CCNK: variants seen among roughly 807,000 people sequenced by gnomAD.
CCNK encodes the protein cyclin-K.
CCNK carries 9 observed loss-of-function variants against 65.0 expected under a neutral mutation model. That is an observed-to-expected ratio of 0.14 (90% confidence interval 0.08 to 0.24). The LOEUF (loss-of-function observed/expected upper bound fraction) is 0.24. CCNK is among the 10% of genes least tolerant of loss of function. CCNK has a pLI of 1.00. For synonymous variants in CCNK, 279 were observed against 270.8 expected (o/e 1.03, Z -0.30); for missense variants, 474 against 720.0 (o/e 0.66, Z 3.91).
At chr14:99,495,323 G>C in intron 3 of CCNK, 175 bp from the exon 4 acceptor site, 1 of 375,196 alleles carries the variant, frequency 2.7e-6, no homozygotes, top group Non-Finnish European at 4.7e-6. Flanking sequence ...GAGTTTGGGG[G>C]ATTTATATGT....
rs1267750574 is a variant in CCNK, at chr14:99,502,349, C to G, written c.718C>G (p.Gln240Glu). 1.9e-6 allele frequency: 3 copies of G among 1,613,634 alleles called. No homozygotes were observed. Among genetic ancestry groups the G allele is most frequent in the Non-Finnish European group, 2.5e-6 (3 of 1,179,810 alleles). The change falls in exon 7 of 11, where the codon CAA becomes GAA. Residue 240 changes from glutamine (Q) to glutamate (E), a missense_variant. Transcript: ENST00000389879. ...TAGGAGATGGTGGGAGCAGTTTGTTCAAGATGTCCCGGTCGACGTTTTGGA... is the reference window on the plus strand; with the variant it reads ...TAGGAGATGGTGGGAGCAGTTTGTTGAAGATGTCCCGGTCGACGTTTTGGA... The part of the protein sequence containing the change: ...MYRRWWEQFV[Q>E]DVPVDVLEDI...
chr14:99,495,987 A>G (rs1156735865), intron 4 of CCNK, among the ~76,000 whole-genome samples: 2 of 152,194 alleles, frequency 1.3e-5, no homozygotes, highest in Non-Finnish European at 2.9e-5. Context: ...AAAAGTATGT[A>G]TGCTGTATGT....
chr14:99,500,349 A>G (rs768363302), intron 4 of CCNK: 7 of 198,786 alleles, frequency 3.5e-5, no homozygotes, highest in Admixed American at 1.1e-4. Flanking sequence ...GAGGCTGGCT[A>G]TCATAAACTC....
intron 4 of CCNK, among the ~76,000 whole-genome samples, chr14:99,497,212 A>G (rs1284893832): frequency 6.6e-6 from 1 of 152,060 alleles, no homozygotes; most frequent in Non-Finnish European, 1.5e-5. Flanking sequence ...GTCTATTTTC[A>G]TAGCCTTAAA....
rs551351656 is a variant in CCNK, at chr14:99,497,602, C to T, written c.411+1973C>T. Among the ~76,000 whole-genome samples, 5 of 152,290 alleles carry T rather than the reference C, an allele frequency of 3.3e-5. No homozygotes were observed. The East Asian group carries it at 5.8e-4, about 18-fold the overall frequency. Reference sequence around the variant, plus strand: ...TTCTAAATCACAGTTAAAGCTAAAGCGATGAAGTTCAGCCCCATTCATGGT... The same window carrying T: ...TTCTAAATCACAGTTAAAGCTAAAGTGATGAAGTTCAGCCCCATTCATGGT... On this transcript the variant is annotated intron_variant, in intron 4 of 10. Coordinates refer to ENST00000389879, the MANE Select transcript of CCNK (RefSeq NM_001099402.2).
At position 99,503,376 on chromosome 14, in the gene CCNK, CATT is replaced by C. The variant is rs1479708199; in HGVS notation, c.1012-234_1012-232del. 6.6e-6 allele frequency: 4 copies of C among 601,994 alleles called. No homozygotes were observed. In the African/African-American group the frequency reaches 7.4e-5, roughly 11 times the overall value. The allele number at this position is 601,994 out of a possible 1,614,324, so 37.3% of individuals were successfully genotyped here. ...AACTTAGTGTTTACTCAGAACTCAC[CATT>C]CAGGAAAGCTAGTCATTCTGTCTTA... On this transcript the variant is annotated intron_variant, in intron 8 of 10. Transcript: ENST00000389879.
chr14:99,503,895 A>C (rs960306411), intron 9 of CCNK: 16 of 506,914 alleles, frequency 3.2e-5, no homozygotes, highest in Admixed American at 1.8e-4. Flanking sequence ...ACATATATAA[A>C]AGTATAATTA....
At chr14:99,493,201 G>A (rs1011021404) in intron 2 of CCNK, 8 of 419,694 alleles carry the variant, frequency 1.9e-5, no homozygotes, top group East Asian at 4.2e-5. Context: ...TCTGGAGTTC[G>A]AGACCAACCT....
chr14:99,503,098 C>G (rs763203304), intron 8 of CCNK, 114 bp downstream of exon 8: 1 of 1,172,140 alleles, frequency 8.5e-7, no homozygotes, highest in Admixed American at 1.7e-5. Context: ...AGGGGGTGTT[C>G]GCCGAAACTC....
intron 3 of CCNK, among the ~76,000 whole-genome samples, chr14:99,493,817 C>T (rs1053910261): frequency 6.6e-6 from 1 of 152,094 alleles, no homozygotes; most frequent in Non-Finnish European, 1.5e-5. Context: ...AGTCATATTG[C>T]GCTTTGTATG....
rs1897087185 is a variant in CCNK, at chr14:99,510,210, G to T, written c.1171G>T (p.Val391Leu). The change falls in exon 11 of 11, where the codon GTG (valine) becomes TTG (leucine). Residue 391 changes from valine to leucine, a missense_variant. Physicochemically the swap from Val to Leu is conservative, Grantham distance 32. Around this residue, in one of 6 missense-constraint regions of CCNK, gnomAD observed 229 missense variants for 275.5 expected, o/e 0.83. Coordinates refer to ENST00000389879, the MANE Select transcript of CCNK (RefSeq NM_001099402.2). ...AGGTGAGGCTGAGCCGCCGGGCCCT[G>T]TGGATGCCACTGACCTCCCCAAAGT... Reference protein sequence around the residue: ...ALGEAEPPGPVDATDLPKVQI... With the variant: ...ALGEAEPPGPLDATDLPKVQI... 1 of 1,597,698 alleles carries T rather than the reference G, an allele frequency of 6.3e-7. No individual in the cohort carries two copies. Among genetic ancestry groups the T allele is most frequent in the Non-Finnish European group, 8.5e-7 (1 of 1,175,302 alleles).
chr14:99,510,562 C>T lies in CCNK; in HGVS notation c.1523C>T (p.Pro508Leu). The change falls in exon 11 of 11, where the codon CCA becomes CTA. Residue 508 changes from proline to leucine, a missense_variant. By Grantham distance (98) the Pro-to-Leu change is moderately conservative. Around this residue, in one of 6 missense-constraint regions of CCNK, gnomAD observed 38 missense variants for 19.2 expected, o/e 1.98. Transcript: ENST00000389879. ...AIPPPTPGYPPPPPTYNPNFP... is the reference protein window; with the variant it reads ...AIPPPTPGYPLPPPTYNPNFP... The stretch of plus-strand genomic sequence containing the variant: ...CCACCCCCTACTCCTGGCTACCCCC[C>T]ACCCCCACCCACCTACAACCCCAAC... 1 of 402,516 alleles carries T rather than the reference C, an allele frequency of 2.5e-6. No individual in the cohort carries two copies. 24.9% of individuals were successfully genotyped at this position (402,516 alleles called of 1,614,324 possible).
chr14:99,493,254 G>C (rs1312305538), intron 2 of CCNK, among the ~76,000 whole-genome samples: 1 of 151,956 alleles, frequency 6.6e-6, no homozygotes, highest in Non-Finnish European at 1.5e-5. Context: ...CTCTAGCCTG[G>C]GTGACAGAGA....
chr14:99,503,538 A>G, intron 8 of CCNK, 73 bp from the exon 9 acceptor site: 1 of 1,321,382 alleles, frequency 7.6e-7, no homozygotes, highest in Non-Finnish European at 1.1e-6. Flanking sequence ...TTCTGGTGGT[A>G]CCTGGATAAT....
chr14:99,487,968 C>T (rs1365364821), intron 1 of CCNK, among the ~76,000 whole-genome samples: 1 of 152,066 alleles, frequency 6.6e-6, no homozygotes, highest in African/African-American at 2.4e-5. Flanking sequence ...ACTTTTTCCC[C>T]AACTTTTTAT....
intron 9 of CCNK, chr14:99,504,020 G>C (rs1007284298): frequency 3.3e-5 from 12 of 364,820 alleles, no homozygotes; most frequent in Middle Eastern, 7.5e-4. Flanking sequence ...GGGGCAGTAG[G>C]GGGTGGTGTG....
chr14:99,500,100 T>C (rs1896787101), intron 4 of CCNK: 1 of 152,252 alleles, frequency 6.6e-6, no homozygotes, highest in African/African-American at 2.4e-5. Flanking sequence ...GAAAAGATAG[T>C]GTGTGTGTAG....
At chr14:99,482,926 A>G (rs924663446) in intron 1 of CCNK, among the ~76,000 whole-genome samples, 1 of 152,218 alleles carries the variant, frequency 6.6e-6, no homozygotes, top group African/African-American at 2.4e-5. Flanking sequence ...GATAAGGACA[A>G]AAAAATCTAG....
At chr14:99,494,751 A>G (rs2139860421) in intron 3 of CCNK, 1 of 152,352 alleles carries the variant, frequency 6.6e-6, no homozygotes, top group Middle Eastern at 3.4e-3. Flanking sequence ...TAGACCCAAT[A>G]ATTTACACAC....
Sources: gnomAD v4.1 joint callset for allele counts (sites outside exome capture counted in the v4.1 genomes callset) on GRCh38, gnomAD v4.1.1 for gene constraint, gnomAD v4.1.1 regional missense constraint, MANE v1.5 for transcripts, NCBI Gene and HGNC (gene_info 2026-07-23, HGNC 2026-07-21) for gene names.